Variants in PCDHGA6 observed in about 807,000 individuals in gnomAD.
PCDHGA6 encodes the protein protocadherin gamma subfamily A, 6.
A neutral mutation model predicts 60.6 loss-of-function variants in PCDHGA6; 41 were observed. That is an observed-to-expected ratio of 0.68 (90% confidence interval 0.53 to 0.88). The LOEUF is 0.88. Among genes scored for constraint, PCDHGA6 ranks in the 40% least tolerant of loss-of-function variants. The pLI is 0.00. For missense variants in PCDHGA6, 1,312 were observed against 1,203.0 expected (o/e 1.09, Z -1.34); for synonymous variants, 594 against 524.4 (o/e 1.13, Z -1.81).
chr5:141,471,635 A>G (rs1477641248), intron 1 of PCDHGA6: 1 of 152,224 alleles, frequency 6.6e-6, no homozygotes, highest in Non-Finnish European at 1.5e-5. Context: ...GGTATGGATT[A>G]GTAATATACT....
intron 1 of PCDHGA6, among the ~76,000 whole-genome samples, chr5:141,458,339 T>A (rs1380637284): frequency 2.0e-5 from 3 of 150,846 alleles, no homozygotes; most frequent in Non-Finnish European, 3.0e-5. Context: ...TTTTAAGGAG[T>A]GGAGAGTTTA....
rs751769680 is a variant in PCDHGA6, at chr5:141,376,032, G to T, written c.1949G>T (p.Gly650Val). Residue 650 changes from glycine (G) to valine (V), a missense_variant, in exon 1 of 4, where the codon GGC becomes GTC. Physicochemically the swap from Gly to Val is moderately radical, Grantham distance 109. Transcript: ENST00000517434. ...CTAGTGGTGGCCGTCCAGGACCACG[G>T]CCAGCCCCCTCTCTCCGCCACTGTC... The part of the protein sequence containing the change: ...QSLVVAVQDH[G>V]QPPLSATVTL... 1.9e-6 allele frequency: 3 copies of T among 1,613,116 alleles called. No homozygotes were observed. The highest frequency in any genetic ancestry group is 4.5e-5 in the East Asian group (2 of 44,864).
intron 1 of PCDHGA6, among the ~76,000 whole-genome samples, chr5:141,488,238 C>G (rs374846692): frequency 6.6e-6 from 1 of 152,154 alleles, no homozygotes; most frequent in African/African-American, 2.4e-5. Context: ...GAACTAGATG[C>G]GGTAAATTGG....
chr5:141,394,080 A>G (rs766939528), intron 1 of PCDHGA6: 2 of 1,613,920 alleles, frequency 1.2e-6, no homozygotes, highest in Non-Finnish European at 1.7e-6. Flanking sequence ...TATCACAGTG[A>G]TGGCCTCAGA....
At chr5:141,428,081 C>G (rs768842388) in intron 1 of PCDHGA6, 3 of 1,609,218 alleles carry the variant, frequency 1.9e-6, no homozygotes, top group South Asian at 2.2e-5. Context: ...CGGGACACAA[C>G]GCTTGGCTGT....
At chr5:141,384,574 C>T in intron 1 of PCDHGA6, 1 of 1,614,228 alleles carries the variant, frequency 6.2e-7, no homozygotes, top group Non-Finnish European at 8.5e-7. Flanking sequence ...GAATGACAAC[C>T]CGCCCGAGAT....
At chr5:141,478,924 T>C (rs1213046748) in intron 1 of PCDHGA6, 10 of 704,004 alleles carry the variant, frequency 1.4e-5, no homozygotes. Context: ...CTCTAACCAG[T>C]GGCAGCTTCT....
chr5:141,465,997 C>T (rs1344380021), intron 1 of PCDHGA6, among the ~76,000 whole-genome samples: 1 of 151,918 alleles, frequency 6.6e-6, no homozygotes, highest in Non-Finnish European at 1.5e-5. Context: ...TGGCAGGCAC[C>T]TGTAGTCCCA....
chr5:141,383,340 T>C (rs1475808617), intron 1 of PCDHGA6: 15 of 1,614,016 alleles, frequency 9.3e-6, no homozygotes, highest in Non-Finnish European at 1.2e-5. Context: ...AGAATACAGC[T>C]CCTGGGGTTC....
intron 1 of PCDHGA6, among the ~76,000 whole-genome samples, chr5:141,406,662 A>G (rs1357382326): frequency 6.6e-6 from 1 of 152,208 alleles, no homozygotes; most frequent in Non-Finnish European, 1.5e-5. Flanking sequence ...TTAATGTTAA[A>G]TTATGGAGAA....
At position 141,486,230 on chromosome 5, in the gene PCDHGA6, A is replaced by G. The variant is rs1463946178; in HGVS notation, c.2425-8577A>G. ...TGACAATGCCCCTTACATCACAGTG[A>G]CCTCAGAGCTTGGAACCCTCCCCGA... On this transcript the variant is annotated intron_variant, in intron 1 of 3. Coordinates refer to ENST00000517434, the MANE Select transcript of PCDHGA6 (RefSeq NM_018919.3). This position sits in a 1 kb window ranked among gnomAD's most constrained non-coding sequence, Gnocchi z 5.0. 2 of 1,613,898 alleles carry G rather than the reference A, an allele frequency of 1.2e-6. No individual in the cohort carries two copies. The highest frequency in any genetic ancestry group is 2.2e-5 in the East Asian group (1 of 44,878).
At chr5:141,421,776 G>A in intron 1 of PCDHGA6, 5 of 1,613,876 alleles carry the variant, frequency 3.1e-6, no homozygotes, top group Non-Finnish European at 3.4e-6. Context: ...CCTTGCAACT[G>A]CGGGGCAGAA....
chr5:141,385,258 A>G lies in PCDHGA6; in HGVS notation c.2424+8751A>G, dbSNP rs1490610927. ...GCTCATCAGCCAGGAGAGCTGTGAG[A>G]AAAATGATTCTTTGCTAACATCCGT... On this transcript the variant is annotated intron_variant, in intron 1 of 3. Coordinates refer to ENST00000517434, the MANE Select transcript of PCDHGA6 (RefSeq NM_018919.3). 6 of 1,613,776 alleles carry G rather than the reference A, an allele frequency of 3.7e-6. No individual in the cohort carries two copies. In the South Asian group the frequency reaches 6.6e-5, roughly 18 times the overall value.
chr5:141,466,612 C>T (rs141916895), intron 1 of PCDHGA6, among the ~76,000 whole-genome samples: 1 of 152,262 alleles, frequency 6.6e-6, no homozygotes, highest in East Asian at 1.9e-4. Flanking sequence ...TTGTAAACTG[C>T]CGTTTTCTTT....
At chr5:141,475,889 T>C in intron 1 of PCDHGA6, 1 of 562,248 alleles carries the variant, frequency 1.8e-6, no homozygotes, top group Non-Finnish European at 3.1e-6. Context: ...GCTGGGACTC[T>C]GTGTGCCGCT....
At position 141,485,541 on chromosome 5, in the gene PCDHGA6, T is replaced by A; in HGVS notation, c.2425-9266T>A. 2 of 1,613,902 alleles carry A rather than the reference T, an allele frequency of 1.2e-6. No homozygotes were observed. Among genetic ancestry groups the A allele is most frequent in the Non-Finnish European group, 1.7e-6 (2 of 1,179,958 alleles). ...GAAATGTACCGAGCAGAGGTAGAGATCGTAGATGTGAATGATCACGCCCCC... is the reference window on the plus strand; with the variant it reads ...GAAATGTACCGAGCAGAGGTAGAGAACGTAGATGTGAATGATCACGCCCCC... On this transcript the variant is annotated intron_variant, in intron 1 of 3. Coordinates refer to ENST00000517434, the MANE Select transcript of PCDHGA6 (RefSeq NM_018919.3). The surrounding 1 kb of genome is among the most constrained non-coding windows in gnomAD (Gnocchi z 5.7).
In PCDHGA6 at chr5:141,374,191, C is replaced by T. The variant is rs780279453; in HGVS notation, c.108C>T (p.Pro36=). 3.7e-6 allele frequency: 6 copies of T among 1,613,664 alleles called. No individual in the cohort carries two copies. In the East Asian group the frequency reaches 1.1e-4, roughly 30 times the overall value. Reference sequence around the variant, plus strand: ...CAGCGCAGATCCGCTACTCTATTCCCGAGGAGCTGGAGAAAGGCTCCTTCG... The same window carrying T: ...CAGCGCAGATCCGCTACTCTATTCCTGAGGAGCTGGAGAAAGGCTCCTTCG... ...AAAAQIRYSI[P]EELEKGSFVG... Residue 36 remains proline (P), a synonymous_variant, in exon 1 of 4, where the codon CCC becomes CCT. Transcript: ENST00000517434.
rs2096663485 is a variant in PCDHGA6, at chr5:141,422,674, A to G, written c.2424+46167A>G. 3 of 1,606,698 alleles carry G rather than the reference A, an allele frequency of 1.9e-6. No individual in the cohort carries two copies. The East Asian group carries it at 6.7e-5, about 36-fold the overall frequency. On this transcript the variant is annotated intron_variant, in intron 1 of 3. Transcript: ENST00000517434. ...AGTGACCGCCCTCGACCCGGACAGC[A>G]AACAGAATGCCCTGGTCACTTACTC...
chr5:141,378,499 G>A (rs1220046096), intron 1 of PCDHGA6: 1 of 152,084 alleles, frequency 6.6e-6, no homozygotes, highest in Non-Finnish European at 1.5e-5. Context: ...CTCCAGTCTG[G>A]GTGACAGAGC....
Sources: allele counts gnomAD v4.1 joint callset (sites outside exome capture counted in the v4.1 genomes callset), GRCh38; gene constraint gnomAD v4.1.1; non-coding constraint Gnocchi (gnomAD v3.1); transcripts MANE v1.5; gene names NCBI Gene and HGNC (gene_info 2026-07-23, HGNC 2026-07-21).